The following DNAH14 variants were observed in gnomAD, a reference collection of about 807,000 sequenced individuals.
DNAH14 encodes dynein axonemal heavy chain 14.
Under a neutral mutation model 520.9 loss-of-function variants are expected in DNAH14, and 478 were observed. That is an observed-to-expected ratio of 0.92 (90% CI 0.85 to 0.99). The LOEUF is 0.99. DNAH14 is among the 50% of genes least tolerant of loss of function. DNAH14 has a pLI of 0.00. For missense variants in DNAH14, 4,831 were observed against 5,234.5 expected (o/e 0.92, Z 2.38); for synonymous variants, 1,581 against 1,757.2 (o/e 0.90, Z 2.51).
At chr1:225,017,103 T>G (rs80293531) in intron 10 of DNAH14, among the ~76,000 whole-genome samples, 1,668 of 152,158 alleles carry the variant, frequency 0.011, 17 homozygotes, top group Non-Finnish European at 0.016. Flanking sequence ...GGAGGTGACA[T>G]AGTTTCTTGT....
At chr1:225,365,778 G>A (rs188370760) in intron 76 of DNAH14, among the ~76,000 whole-genome samples, 16 of 152,174 alleles carry the variant, frequency 1.1e-4, no homozygotes, top group Admixed American at 8.5e-4. Flanking sequence ...GGGGAATTGG[G>A]GGGTGGAGGT....
rs1205778187 is a variant in DNAH14 at position 225,335,426 on chromosome 1, C to G, written c.10081-1840C>G. ...ACATGTGTGTGTATGCACATATGCA[C>G]GTGTGTACATGTGTGTGTATGCACA... On this transcript the variant is annotated intron_variant, in intron 66 of 85. Transcript: ENST00000682510. Among the ~76,000 whole-genome samples the G allele has an allele frequency of 1.9e-5, 2 of 105,334 alleles. 1 individual carries two copies. The highest frequency in any genetic ancestry group is 1.9e-4 in the Admixed American group (2 of 10,290). 69.1% of individuals were successfully genotyped at this position (105,334 alleles called of 152,430 possible).
intron 56 of DNAH14, among the ~76,000 whole-genome samples, 164 bp downstream of exon 56, chr1:225,301,194 C>T (rs55794003): frequency 4.6e-5 from 7 of 151,922 alleles, no homozygotes; most frequent in South Asian, 4.1e-4. Context: ...CCATACCCTT[C>T]GGTAGGTCAA....
intron 36 of DNAH14, among the ~76,000 whole-genome samples, chr1:225,171,878 GC>G (rs149540113): frequency 0.13 from 19,411 of 152,122 alleles, 1,386 homozygotes; most frequent in East Asian, 0.31. Context: ...TAAAATACTG[GC>G]AAACCGAATC....
chr1:225,357,187 A>G (rs1176018382), intron 73 of DNAH14, among the ~76,000 whole-genome samples: 3 of 152,176 alleles, frequency 2.0e-5, no homozygotes, highest in Admixed American at 6.5e-5. Context: ...AGGGGATGAA[A>G]GAGGACAATG....
intron 3 of DNAH14, among the ~76,000 whole-genome samples, chr1:224,958,185 GAGAGACTGAAAGGTAAAGGTTT>G (rs1397638788): frequency 6.6e-6 from 1 of 152,050 alleles, no homozygotes; most frequent in Admixed American, 6.6e-5. Flanking sequence ...ATTTAGAGGA[GAGAGACTGAAAGGTAAAGGTTT>G]AGAGATTTGA....
intron 80 of DNAH14, among the ~76,000 whole-genome samples, chr1:225,380,804 T>C (rs545526582): frequency 6.6e-6 from 1 of 152,220 alleles, no homozygotes; most frequent in Non-Finnish European, 1.5e-5. Flanking sequence ...TAGACTATGA[T>C]AATTTTCCCA....
intron 17 of DNAH14, among the ~76,000 whole-genome samples, chr1:225,055,263 C>T (rs1430688330): frequency 6.6e-6 from 1 of 152,144 alleles, no homozygotes; most frequent in Non-Finnish European, 1.5e-5. Context: ...TAATTCTCCC[C>T]TTCTTCAAAA....
At chr1:225,172,358 A>C (rs2082789446) in intron 36 of DNAH14, among the ~76,000 whole-genome samples, 1 of 152,190 alleles carries the variant, frequency 6.6e-6, no homozygotes, top group Admixed American at 6.5e-5. Context: ...GTATATCTAG[A>C]AAACCCCATC....
In DNAH14 at chr1:225,102,198, T is replaced by C. The variant is rs976659860; in HGVS notation, c.3867+1314T>C. ...GAATGATGGTTTCCAGCTTCATCCA[T>C]GTCCCTACAAAGGACATGAACTCAT... On this transcript the variant is annotated intron_variant, in intron 23 of 85. Transcript: ENST00000682510. Among the ~76,000 whole-genome samples, 182 of 152,138 alleles carry C rather than the reference T, an allele frequency of 1.2e-3. 2 individuals carry two copies. The highest frequency in any genetic ancestry group is 6.8e-3 in the Middle Eastern group (2 of 294).
intron 42 of DNAH14, among the ~76,000 whole-genome samples, chr1:225,233,147 T>C (rs965024505): frequency 3.9e-5 from 6 of 152,218 alleles, no homozygotes; most frequent in African/African-American, 1.4e-4. Flanking sequence ...TCATTCCTTT[T>C]TATGGCTGCA....
intron 21 of DNAH14, among the ~76,000 whole-genome samples, chr1:225,094,656 C>CAAAAAAAAAAAAAA (rs760828776): frequency 9.0e-5 from 7 of 77,856 alleles, no homozygotes; most frequent in South Asian, 4.8e-4. Flanking sequence ...TTCTGCACAG[C>CAAAAAAAAAAAAAA]AAAAAAAAAA....
chr1:225,199,399 G>A (rs552090069), intron 38 of DNAH14, among the ~76,000 whole-genome samples: 6 of 151,846 alleles, frequency 4.0e-5, no homozygotes, highest in African/African-American at 1.5e-4. Context: ...GTTTGTTCTT[G>A]TTTCTCTAGT....
chr1:225,130,538 G>T (rs1277841545), intron 27 of DNAH14, among the ~76,000 whole-genome samples: 1 of 151,442 alleles, frequency 6.6e-6, no homozygotes, highest in Admixed American at 6.6e-5. Context: ...ATGAAAATTG[G>T]AAATCATCAT....
chr1:225,084,966 G>A (rs894600947), intron 20 of DNAH14, among the ~76,000 whole-genome samples: 2 of 151,952 alleles, frequency 1.3e-5, no homozygotes, highest in Non-Finnish European at 2.9e-5. Context: ...TCCCAAAGCT[G>A]TTGCTTAAGG....
chr1:225,058,286 C>A (rs1304762020), intron 17 of DNAH14, among the ~76,000 whole-genome samples: 2 of 152,140 alleles, frequency 1.3e-5, no homozygotes, highest in Non-Finnish European at 2.9e-5. Flanking sequence ...GGAATTTATC[C>A]ATTTCTTCTA....
chr1:225,252,726 C>A (rs554411232), intron 44 of DNAH14, among the ~76,000 whole-genome samples: 26 of 151,650 alleles, frequency 1.7e-4, no homozygotes, highest in African/African-American at 5.8e-4. Flanking sequence ...ATTATTGGGA[C>A]AAGAAAATGG....
At chr1:225,226,732 A>C (rs894118868) in intron 41 of DNAH14, among the ~76,000 whole-genome samples, 1 of 152,212 alleles carries the variant, frequency 6.6e-6, no homozygotes, top group Non-Finnish European at 1.5e-5. Context: ...GCGCTCAGCA[A>C]GTGAGGACCT....
intron 38 of DNAH14, among the ~76,000 whole-genome samples, chr1:225,196,110 A>G (rs2086098992): frequency 6.6e-6 from 1 of 151,808 alleles, no homozygotes; most frequent in Non-Finnish European, 1.5e-5. Context: ...ATTTTGCTGA[A>G]CCCATCACCT....
Sources: gnomAD v4.1 joint callset for allele counts (sites outside exome capture counted in the v4.1 genomes callset) on GRCh38, gnomAD v4.1.1 for gene constraint, MANE v1.5 for transcripts, NCBI Gene and HGNC (gene_info 2026-07-23, HGNC 2026-07-21) for gene names.